BANP: variants seen among roughly 807,000 people sequenced by gnomAD.
BANP encodes BTG3 associated nuclear protein, also known as protein BANP.
BANP carries 11 observed loss-of-function variants against 68.1 expected under a neutral mutation model. The observed-to-expected ratio is 0.16, with a 90% confidence interval of 0.10 to 0.27. The LOEUF is 0.27. BANP is among the 10% of genes least tolerant of loss of function. The pLI, the probability that BANP is intolerant of heterozygous loss-of-function variation, is 1.00. For missense variants in BANP, 504 were observed against 722.7 expected, an observed-to-expected ratio of 0.70 and a Z score of 3.47; for synonymous variants, 329 against 303.2, an observed-to-expected ratio of 1.09 and a Z score of -0.88.
chr16:88,063,164 A>G (rs2087371895), intron 11 of BANP, among the ~76,000 whole-genome samples: 1 of 152,246 alleles, frequency 6.6e-6, no homozygotes, highest in Non-Finnish European at 1.5e-5. Flanking sequence ...CTGTTCTCAG[A>G]GCACGCTGTG....
intron 4 of BANP, among the ~76,000 whole-genome samples, chr16:87,999,301 C>T (rs2068392838): frequency 7.0e-6 from 1 of 143,416 alleles, no homozygotes; most frequent in Middle Eastern, 3.9e-3. Flanking sequence ...CACGGCTGTA[C>T]TTACCAGGCC....
Position 87,951,958 on chromosome 16 carries a change from C to T in BANP, c.-69+443C>T, listed in dbSNP as rs1009420950. The stretch of plus-strand genomic sequence containing the variant: ...CCAGCCAGGCGGGAGCGACAGGCAT[C>T]GTTTTTGTGCCTCCTCCGTGGCTGT... On this transcript the variant is annotated intron_variant, in intron 1 of 13. Transcript: ENST00000682872. Among the ~76,000 whole-genome samples the T allele has an allele frequency of 5.9e-5, 9 of 152,290 alleles. No homozygotes were observed. In the East Asian group the frequency reaches 1.7e-3, roughly 29 times the overall value.
rs538393486 is a variant in BANP at position 88,064,139 on chromosome 16, C to G, written c.1312-1128C>G. Among the ~76,000 whole-genome samples the G allele has an allele frequency of 1.3e-5, 2 of 150,950 alleles. No homozygotes were observed. The highest frequency in any genetic ancestry group is 4.2e-4 in the South Asian group (2 of 4,762). On this transcript the variant is annotated intron_variant, in intron 11 of 13. Coordinates refer to ENST00000682872, the MANE Select transcript of BANP (RefSeq NM_001386991.1). This position sits in a 1 kb window ranked among gnomAD's most constrained non-coding sequence, Gnocchi z 4.5. The stretch of plus-strand genomic sequence containing the variant: ...GCTGGGGGACCAGGGTCAGGGGGCT[C>G]TCTTCAGAGACGGCAGAGCACGAGG...
At position 87,957,642 on chromosome 16, in the gene BANP, A is replaced by G. The variant is rs2058352721; in HGVS notation, c.-69+6127A>G. Among the ~76,000 whole-genome samples, 2 of 152,248 alleles carry G rather than the reference A, an allele frequency of 1.3e-5. No individual in the cohort carries two copies. The highest frequency in any genetic ancestry group is 2.1e-4 in the South Asian group (1 of 4,832). ...TTTCCCTTGAGATGAAAAGTCATCA[A>G]ATATCTGGAAGCAAAGCTTAATCTT... On this transcript the variant is annotated intron_variant, in intron 1 of 13. Coordinates refer to ENST00000682872, the MANE Select transcript of BANP (RefSeq NM_001386991.1). This position sits in a 1 kb window ranked among gnomAD's most constrained non-coding sequence, Gnocchi z 4.3.
intron 11 of BANP, among the ~76,000 whole-genome samples, chr16:88,040,255 C>CTT (rs71156289): frequency 2.8e-5 from 4 of 142,476 alleles, no homozygotes; most frequent in African/African-American, 5.2e-5. Flanking sequence ...TGTGGAAATC[C>CTT]TTTTTTTTTT....
At chr16:88,040,524 C>G (rs1012576235) in intron 11 of BANP, among the ~76,000 whole-genome samples, 1 of 150,702 alleles carries the variant, frequency 6.6e-6, no homozygotes, top group Non-Finnish European at 1.5e-5. Context: ...CCCATTCGCT[C>G]TCCTCCCCGT....
Position 88,018,712 on chromosome 16 carries a change from G to C in BANP, c.895+45G>C, listed in dbSNP as rs771571930. On this transcript the variant is annotated intron_variant, in intron 7 of 13. Coordinates refer to ENST00000682872, the MANE Select transcript of BANP (RefSeq NM_001386991.1). This position sits in a 1 kb window ranked among gnomAD's most constrained non-coding sequence, Gnocchi z 7.7. ...GGGGGACTGGGGTGTGCGGGGAGCTGGGTCAGGACCCACATTTCAATGCTG... is the reference window on the plus strand; with the variant it reads ...GGGGGACTGGGGTGTGCGGGGAGCTCGGTCAGGACCCACATTTCAATGCTG... The C allele has an allele frequency of 7.2e-6, 11 of 1,528,992 alleles. No individual in the cohort carries two copies. Among genetic ancestry groups the C allele is most frequent in the African/African-American group, 1.4e-5 (1 of 72,652 alleles). 94.7% of individuals were successfully genotyped at this position (1,528,992 alleles called of 1,614,324 possible).
At chr16:88,034,599 C>T (rs1235621266) in intron 9 of BANP, among the ~76,000 whole-genome samples, 9 of 6,980 alleles carry the variant, frequency 1.3e-3, no homozygotes, top group Non-Finnish European at 3.8e-3. Context: ...TCCCCTGCTT[C>T]AGCCACACAC....
chr16:88,067,473 G>A (rs1374858659), intron 12 of BANP, among the ~76,000 whole-genome samples: 2 of 152,274 alleles, frequency 1.3e-5, no homozygotes, highest in Non-Finnish European at 2.9e-5. Flanking sequence ...GGACCCAGGG[G>A]CTTGTCCTGA....
chr16:88,062,365 C>T (rs893346460), intron 11 of BANP, among the ~76,000 whole-genome samples: 1 of 152,216 alleles, frequency 6.6e-6, no homozygotes, highest in Non-Finnish European at 1.5e-5. Flanking sequence ...TCTGCATTCT[C>T]AGTAGATAGA....
intron 2 of BANP, among the ~76,000 whole-genome samples, chr16:87,975,847 C>G (rs1257030968): frequency 1.8e-5 from 2 of 111,998 alleles, no homozygotes; most frequent in African/African-American, 5.6e-5. Context: ...GTGTAATCCC[C>G]TGTGTGTGGC....
At chr16:87,993,643 C>T (rs1381373809) in intron 4 of BANP, among the ~76,000 whole-genome samples, 1 of 151,348 alleles carries the variant, frequency 6.6e-6, no homozygotes, top group Non-Finnish European at 1.5e-5. Flanking sequence ...TCTTGTTGCC[C>T]AGGCTGGAGT....
intron 7 of BANP, among the ~76,000 whole-genome samples, chr16:88,023,218 T>G (rs1469112757): frequency 2.6e-5 from 4 of 152,154 alleles, no homozygotes; most frequent in African/African-American, 7.2e-5. Flanking sequence ...GAGCAGAGCC[T>G]CCTTCTCAGC....
chr16:87,960,950 C>G (rs755821860), intron 1 of BANP, among the ~76,000 whole-genome samples: 1 of 152,168 alleles, frequency 6.6e-6, no homozygotes, highest in African/African-American at 2.4e-5. Flanking sequence ...ACCGTGAGCC[C>G]GAGAGCTCCC....
At chr16:88,048,860 G>T (rs2082610463) in intron 11 of BANP, among the ~76,000 whole-genome samples, 1 of 152,070 alleles carries the variant, frequency 6.6e-6, no homozygotes, top group Admixed American at 6.5e-5. Flanking sequence ...TCGAATTGGC[G>T]CTCACCACAG....
chr16:87,975,628 G>C, intron 2 of BANP, among the ~76,000 whole-genome samples: 1 of 150,766 alleles, frequency 6.6e-6, no homozygotes, highest in South Asian at 2.1e-4. Context: ...TGTGTGCGGC[G>C]TCCAGGATCC....
intron 1 of BANP, among the ~76,000 whole-genome samples, chr16:87,968,613 G>A (rs554695556): frequency 1.1e-3 from 164 of 152,282 alleles, no homozygotes; most frequent in Non-Finnish European, 1.8e-3. Context: ...ACGACTCTGA[G>A]CTGAAAGATC....
rs1274619172 is a variant in BANP, at chr16:87,962,250, AAAAAAAG to A, written c.-69+10739_-69+10745del. Reference sequence around the variant, plus strand: ...GCGAGACTTGGTCTCAAAAAAAAAAAAAAAAAGAAAGCACATTTTTTTCCTTTATGTA... The same window carrying A: ...GCGAGACTTGGTCTCAAAAAAAAAAAAAAGCACATTTTTTTCCTTTATGTA... On this transcript the variant is annotated intron_variant, in intron 1 of 13. Transcript: ENST00000682872. Among the ~76,000 whole-genome samples, 111 of 148,260 alleles carry A rather than the reference AAAAAAAG, an allele frequency of 7.5e-4. 1 individual carries two copies. Among genetic ancestry groups the A allele is most frequent in the Middle Eastern group, 3.5e-3 (1 of 288 alleles).
intron 1 of BANP, among the ~76,000 whole-genome samples, chr16:87,967,202 C>G (rs926209383): frequency 6.6e-6 from 1 of 151,370 alleles, no homozygotes; most frequent in African/African-American, 2.4e-5. Context: ...TTAGGGGAGC[C>G]TCAGAAACTT....
Sources: gnomAD v4.1 joint callset for allele counts (sites outside exome capture counted in the v4.1 genomes callset) on GRCh38, gnomAD v4.1.1 for gene constraint, Gnocchi (gnomAD v3.1) non-coding constraint, MANE v1.5 for transcripts, NCBI Gene and HGNC (gene_info 2026-07-23, HGNC 2026-07-21) for gene names.